The following MED17 variants were observed in gnomAD, a reference collection of about 807,000 sequenced individuals.
MED17 encodes the protein mediator of RNA polymerase II transcription subunit 17.
A neutral mutation model predicts 80.8 loss-of-function variants in MED17; 49 were observed. The ratio of observed to expected loss-of-function variants is 0.61; its 90% CI spans 0.48 to 0.77. MED17 has a LOEUF of 0.77. Ranked by LOEUF, MED17 falls within the 30% of genes least tolerant of loss-of-function variation. The probability of loss-of-function intolerance (pLI) is 0.00; values close to 1 mark genes in which losing one functional copy is unlikely to be tolerated. For missense variants in MED17, 718 were observed against 787.0 expected (o/e 0.91, Z 1.05); for synonymous variants, 281 against 280.4 (o/e 1.00, Z -0.02).
chr11:93,801,087 G>C (rs1943956917), intron 8 of MED17: 1 of 152,138 alleles, frequency 6.6e-6, no homozygotes, highest in Admixed American at 6.6e-5. Context: ...CAGGTTTTTG[G>C]CTCTGGATTT....
chr11:93,807,383 A>G (rs1944037401), intron 9 of MED17, 135 bp from the exon 10 acceptor site: 4 of 669,458 alleles, frequency 6.0e-6, no homozygotes, highest in Non-Finnish European at 8.0e-6. Context: ...ACTGCACTCC[A>G]GCCTGGGCAA....
At chr11:93,797,502 G>C in intron 7 of MED17, 33 bp from the exon 8 acceptor site, 1 of 1,570,106 alleles carries the variant, frequency 6.4e-7, no homozygotes, top group Non-Finnish European at 8.8e-7. Flanking sequence ...TTACTATGTG[G>C]ATATTGGTAT....
intron 10 of MED17, chr11:93,809,208 G>C (rs1944060855): frequency 4.2e-6 from 1 of 238,086 alleles, no homozygotes; most frequent in Non-Finnish European, 8.4e-6. Context: ...CTAGCAGCCA[G>C]TCAAGAGATA....
intron 9 of MED17, among the ~76,000 whole-genome samples, chr11:93,803,999 G>GTATACATATA (rs1943994042): frequency 3.7e-5 from 1 of 27,132 alleles, no homozygotes; most frequent in African/African-American, 9.3e-5. Flanking sequence ...ATATGTGTGT[G>GTATACATATA]TATATATATA....
chr11:93,806,910 T>A (rs901919287), intron 9 of MED17: 1 of 152,456 alleles, frequency 6.6e-6, no homozygotes. Context: ...GGCCCACATA[T>A]ACCCAATTGG....
Position 93,795,020 on chromosome 11 carries a change from CATTGTGGTGAAAAACCAG to C in MED17, c.976_993del (p.Val326_Ile331del). 6.2e-7 allele frequency: 1 copy of C among 1,614,196 alleles called. No individual in the cohort carries two copies. Among genetic ancestry groups the C allele is most frequent in the Non-Finnish European group, 8.5e-7 (1 of 1,180,030 alleles). On this transcript the variant is annotated inframe_deletion, in exon 6 of 12. Transcript: ENST00000251871. ...TTCAAATTAAATCACAAGTCCCTCA[CATTGTGGTGAAAAACCAG>C]ATTATCTCTCAGCCCTTTCCGAGTA...
At chr11:93,788,263 C>A (rs1017128810) in intron 2 of MED17, 96 bp downstream of exon 2, 31 of 1,020,556 alleles carry the variant, frequency 3.0e-5, no homozygotes, top group African/African-American at 2.9e-4. Context: ...TCCTTTCTTG[C>A]AAAATTAAGT....
At chr11:93,799,022 T>C (rs1943934399) in intron 8 of MED17, among the ~76,000 whole-genome samples, 1 of 152,148 alleles carries the variant, frequency 6.6e-6, no homozygotes, top group Non-Finnish European at 1.5e-5. Context: ...CTTCCTGGTG[T>C]ACAAAAAGCT....
chr11:93,791,563 G>A (rs953338139), intron 3 of MED17, among the ~76,000 whole-genome samples: 3 of 151,956 alleles, frequency 2.0e-5, no homozygotes, highest in African/African-American at 7.3e-5. Context: ...AAATTAGCTG[G>A]GCGTGGTGTT....
chr11:93,807,425 A>C, intron 9 of MED17, 93 bp from the exon 10 acceptor site: 1 of 822,450 alleles, frequency 1.2e-6, no homozygotes, highest in Non-Finnish European at 2.1e-6. Flanking sequence ...AAAAATAATA[A>C]TATTTTCTAA....
At chr11:93,803,293 T>G (rs1943982312) in intron 9 of MED17, among the ~76,000 whole-genome samples, 1 of 152,240 alleles carries the variant, frequency 6.6e-6, no homozygotes, top group African/African-American at 2.4e-5. Flanking sequence ...TACAGTCATT[T>G]CCAATATAAT....
intron 2 of MED17, 59 bp from the exon 3 acceptor site, chr11:93,790,515 G>T: frequency 7.0e-7 from 1 of 1,432,002 alleles, no homozygotes; most frequent in Non-Finnish European, 9.8e-7. Context: ...GATAAAATGT[G>T]TAATTTTAGA....
intron 9 of MED17, among the ~76,000 whole-genome samples, chr11:93,803,503 A>T (rs568892229): frequency 6.6e-6 from 1 of 152,210 alleles, no homozygotes; most frequent in East Asian, 1.9e-4. Flanking sequence ...AATTGGGGTG[A>T]TTTGAGGGTG....
Position 93,784,523 on chromosome 11 carries a change from GT to G in MED17, c.11del (p.Val4GlyfsTer44). The part of the protein sequence containing the change: MSG[V>X]RAVRISIESA... ...GGCCGACGCAGCCAGCATGTCCGGG[GT>G]GCGCGCAGTGCGGATCAGCATCGAA... On this transcript the variant is annotated frameshift_variant, in exon 1 of 12. Coordinates refer to ENST00000251871, the MANE Select transcript of MED17 (RefSeq NM_004268.5). LOFTEE classifies it high-confidence loss of function. 6.2e-7 allele frequency: 1 copy of G among 1,603,252 alleles called. No individual in the cohort carries two copies. Among genetic ancestry groups the G allele is most frequent in the Non-Finnish European group, 8.5e-7 (1 of 1,173,234 alleles).
Position 93,794,941 on chromosome 11 carries a change from C to T in MED17, c.893C>T (p.Ala298Val). 6.2e-7 allele frequency: 1 copy of T among 1,614,128 alleles called. No homozygotes were observed. The highest frequency in any genetic ancestry group is 1.3e-5 in the African/African-American group (1 of 75,032). The change falls in exon 6 of 12, where the codon GCA (alanine) becomes GTA (valine). Residue 298 changes from alanine (A) to valine (V), a missense_variant. Physicochemically the swap from Ala to Val is moderately conservative, Grantham distance 64. Coordinates refer to ENST00000251871, the MANE Select transcript of MED17 (RefSeq NM_004268.5). ...SPHWQTKLEA[A>V]QNVLLCKEIF... ...CATTGGCAGACAAAATTAGAAGCGGCACAGAATGTTCTCTTATGTAAAGAA... is the reference window on the plus strand; with the variant it reads ...CATTGGCAGACAAAATTAGAAGCGGTACAGAATGTTCTCTTATGTAAAGAA...
At position 93,797,569 on chromosome 11, in the gene MED17, C is replaced by T. The variant is rs1943917625; in HGVS notation, c.1178C>T (p.Pro393Leu). 2.5e-6 allele frequency: 4 copies of T among 1,613,936 alleles called. No individual in the cohort carries two copies. The highest frequency in any genetic ancestry group is 1.3e-5 in the African/African-American group (1 of 74,892). Residue 393 changes from proline to leucine, a missense_variant, in exon 8 of 12, where the codon CCT (proline) becomes CTT (leucine). Physicochemically the swap from Pro to Leu is moderately conservative, Grantham distance 98. Transcript: ENST00000251871. ...HKQTLSSIMM[P>L]HPASAPFGHK... ...CAGACCTTGAGTTCCATCATGATGC[C>T]TCATCCAGCAAGTGCACCTTTTGGC...
intron 7 of MED17, 111 bp downstream of exon 7, chr11:93,796,651 T>G: frequency 8.2e-7 from 1 of 1,218,520 alleles, no homozygotes; most frequent in Non-Finnish European, 1.2e-6. Flanking sequence ...AGCAACAACA[T>G]TCACTGTCTG....
chr11:93,804,311 C>T (rs1174748860), intron 9 of MED17, among the ~76,000 whole-genome samples: 4 of 151,906 alleles, frequency 2.6e-5, no homozygotes, highest in Non-Finnish European at 5.9e-5. Flanking sequence ...TGGTGCCCAC[C>T]CAGATTAAGG....
At chr11:93,792,494 G>T (rs1943847760) in intron 3 of MED17, among the ~76,000 whole-genome samples, 1 of 152,142 alleles carries the variant, frequency 6.6e-6, no homozygotes, top group Non-Finnish European at 1.5e-5. Flanking sequence ...GATTATGAAA[G>T]GATTTGATCA....
Sources: gnomAD v4.1 joint callset for allele counts (sites outside exome capture counted in the v4.1 genomes callset) on GRCh38, gnomAD v4.1.1 for gene constraint, MANE v1.5 for transcripts, NCBI Gene and HGNC (gene_info 2026-07-23, HGNC 2026-07-21) for gene names.